The following SPG7 variants were observed in gnomAD, a reference collection of about 807,000 sequenced individuals.
The protein encoded by SPG7 is mitochondrial inner membrane m-AAA protease component paraplegin.
In SPG7, 103 loss-of-function variants were observed where a neutral mutation model predicts 81.9. That is an observed-to-expected ratio of 1.26 (90% CI 1.07 to 1.48). The LOEUF is 1.48. SPG7 is among the 40% of genes most tolerant of loss of function. SPG7 has a pLI of 0.00. For synonymous variants in SPG7, 534 were observed against 444.2 expected (o/e 1.20, Z -2.54); for missense variants, 1,241 against 1,087.3 (o/e 1.14, Z -1.99).
intron 16 of SPG7, chr16:89,554,824 T>TG (rs2058670869): frequency 4.4e-6 from 2 of 454,156 alleles, no homozygotes; most frequent in Non-Finnish European, 8.0e-6. Flanking sequence ...ATTACCAATG[T>TG]TTTGTCAGTT....
intron 11 of SPG7, chr16:89,547,619 C>T (rs927608651): frequency 3.6e-6 from 1 of 274,892 alleles, no homozygotes; most frequent in African/African-American, 2.2e-5. Flanking sequence ...TATTTATTTA[C>T]TTATTTATTT....
intron 1 of SPG7, among the ~76,000 whole-genome samples, chr16:89,509,335 C>G (rs2057980028): frequency 6.6e-6 from 1 of 151,704 alleles, no homozygotes; most frequent in South Asian, 2.1e-4. Flanking sequence ...ACTGCAACCT[C>G]CGCCTCCCGG....
intron 6 of SPG7, chr16:89,529,782 C>T (rs1346825313): frequency 6.4e-5 from 41 of 636,588 alleles, no homozygotes; most frequent in East Asian, 2.8e-5. Flanking sequence ...GGGCCTCTCA[C>T]CCCTAACTCT....
chr16:89,526,234 C>G (rs1397605226), intron 4 of SPG7, 95 bp from the exon 5 acceptor site: 61 of 1,430,280 alleles, frequency 4.3e-5, no homozygotes, highest in Non-Finnish European at 5.2e-5. Context: ...CTGAGGTTGT[C>G]ATTACCATGA....
chr16:89,517,343 C>T (rs1328085347), intron 3 of SPG7: 1 of 152,064 alleles, frequency 6.6e-6, no homozygotes, highest in African/African-American at 2.4e-5. Context: ...GCATGGCAGC[C>T]TCCGTTGTCA....
At chr16:89,531,584 G>C (rs1380970014) in intron 7 of SPG7, 6 of 382,390 alleles carry the variant, frequency 1.6e-5, no homozygotes, top group Non-Finnish European at 3.0e-5. Flanking sequence ...ATGTTGGCCA[G>C]GCTGGTCTCA....
chr16:89,519,857 G>C (rs972512303), intron 3 of SPG7: 3 of 152,238 alleles, frequency 2.0e-5, no homozygotes, highest in African/African-American at 4.8e-5. Context: ...GCCTGATGTG[G>C]CCCCTGTGGC....
At chr16:89,551,231 C>G (rs372571239) in intron 13 of SPG7, 56 of 175,246 alleles carry the variant, frequency 3.2e-4, no homozygotes, top group African/African-American at 1.3e-3. Context: ...GCCGTCTTTA[C>G]AGTGGAGCCC....
intron 3 of SPG7, chr16:89,523,802 G>A (rs944087068): frequency 2.2e-5 from 16 of 729,558 alleles, no homozygotes; most frequent in East Asian, 5.5e-5. Flanking sequence ...TGACCTCAGC[G>A]AATGAAGTGT....
chr16:89,529,461 C>G lies in SPG7; in HGVS notation c.759-16C>G. On this transcript the variant is annotated splice_polypyrimidine_tract_variant and intron_variant, in intron 5 of 16. Transcript: ENST00000645818. ...ACACCGTCTGAGCCTGTGCCTGCCT[C>G]TCTTTCTTCCGGCAGTGCCCTGTAC... is the stretch of plus-strand genomic sequence containing the variant. 1.3e-6 allele frequency: 2 copies of G among 1,586,002 alleles called. No individual in the cohort carries two copies. The highest frequency in any genetic ancestry group is 2.2e-5 in the South Asian group (2 of 89,642).
Position 89,552,963 on chromosome 16 carries a change from C to T in SPG7, c.1780-16C>T. 1 of 1,611,212 alleles carries T rather than the reference C, an allele frequency of 6.2e-7. No individual in the cohort carries two copies. The highest frequency in any genetic ancestry group is 8.5e-7 in the Non-Finnish European group (1 of 1,179,152). On this transcript the variant is annotated splice_polypyrimidine_tract_variant and intron_variant, in intron 13 of 16. Coordinates refer to ENST00000645818, the MANE Select transcript of SPG7 (RefSeq NM_003119.4). ...CATCCTGCCTACTGACCTGGGTCAT[C>T]TTGACCTTGTGCCAGGTCTCCATAA... is the stretch of plus-strand genomic sequence containing the variant.
At chr16:89,509,030 G>A (rs1395965979) in intron 1 of SPG7, 3 of 452,382 alleles carry the variant, frequency 6.6e-6, no homozygotes, top group Non-Finnish European at 8.9e-6. Context: ...ACGTTTCTGT[G>A]TCCGCAAAAT....
intron 10 of SPG7, 76 bp from the exon 11 acceptor site, chr16:89,546,582 C>T (rs1011162153): frequency 1.0e-6 from 1 of 976,232 alleles, no homozygotes; most frequent in South Asian, 1.3e-5. Context: ...CCCCCCCCCC[C>T]CACAGACAAA....
At chr16:89,555,177 G>A (rs1229707135) in intron 16 of SPG7, 6 of 152,744 alleles carry the variant, frequency 3.9e-5, no homozygotes, top group Non-Finnish European at 8.7e-5. Context: ...CACCTCCCCA[G>A]TTCAAGCATT....
At chr16:89,516,645 G>A (rs2058100656) in intron 3 of SPG7, among the ~76,000 whole-genome samples, 1 of 151,864 alleles carries the variant, frequency 6.6e-6, no homozygotes, top group Non-Finnish European at 1.5e-5. Flanking sequence ...CAGATCACAA[G>A]GTCAGGAGAT....
In SPG7 at chr16:89,532,634, A is replaced by G. The variant is rs1210746203; in HGVS notation, c.1322A>G (p.Asp441Gly). 1.2e-6 allele frequency: 2 copies of G among 1,613,216 alleles called. No individual in the cohort carries two copies. The highest frequency in any genetic ancestry group is 1.7e-6 in the Non-Finnish European group (2 of 1,180,016). The change falls in exon 9 of 17, where the codon GAT becomes GGT. Residue 441 changes from aspartate (D) to glycine (G), a missense_variant and splice_region_variant. Asp to Gly is a moderately conservative substitution (Grantham distance 94). Coordinates refer to ENST00000645818, the MANE Select transcript of SPG7 (RefSeq NM_003119.4). ...CTCAACCAGCTTCTGGTAGAAATGG[A>G]TGGTCAGTGCTCGTGCGCCCCGCAC... is the stretch of plus-strand genomic sequence containing the variant. The part of the protein sequence containing the change: ...QTLNQLLVEM[D>G]GMGTTDHVIV...
rs2058543013 is a variant in SPG7 at position 89,544,846 on chromosome 16, C to G, written c.1449+74C>G. 2.6e-6 allele frequency: 4 copies of G among 1,558,488 alleles called. No individual in the cohort carries two copies. In the South Asian group the frequency reaches 3.3e-5, roughly 13 times the overall value. Reference sequence around the variant, plus strand: ...CTCGCTCTGAGTGGTCTGGCCTCTCCTCTAAGACACTTCTTGGTGTGAAGC... The same window carrying G: ...CTCGCTCTGAGTGGTCTGGCCTCTCGTCTAAGACACTTCTTGGTGTGAAGC... On this transcript the variant is annotated intron_variant, in intron 10 of 16. Transcript: ENST00000645818.
At chr16:89,546,795 G>T in intron 11 of SPG7, 35 bp downstream of exon 11, 2 of 1,421,324 alleles carry the variant, frequency 1.4e-6, no homozygotes, top group Non-Finnish European at 2.0e-6. Context: ...GCAGCGTCAC[G>T]TCCTGAGGGC....
chr16:89,541,398 A>G, intron 9 of SPG7: 1 of 895,162 alleles, frequency 1.1e-6, no homozygotes, highest in Non-Finnish European at 1.3e-6. Context: ...CGAAATTGTC[A>G]AAATAACAAA....
Sources: gnomAD v4.1 joint callset for allele counts (sites outside exome capture counted in the v4.1 genomes callset) on GRCh38, gnomAD v4.1.1 for gene constraint, MANE v1.5 for transcripts, NCBI Gene and HGNC (gene_info 2026-07-23, HGNC 2026-07-21) for gene names.